KDM5A: variants seen among roughly 807,000 people sequenced by gnomAD.
The protein encoded by KDM5A is lysine demethylase 5A, also known as lysine-specific demethylase 5A.
In KDM5A, 42 loss-of-function variants were observed where a neutral mutation model predicts 193.5. The ratio of observed to expected loss-of-function variants is 0.22; its 90% CI spans 0.17 to 0.28. The LOEUF is 0.28. KDM5A is among the 10% of genes least tolerant of loss of function. The pLI is 1.00. For missense variants in KDM5A, 1,692 were observed against 2,055.1 expected (o/e 0.82, Z 3.42); for synonymous variants, 796 against 718.1 (o/e 1.11, Z -1.73).
At chr12:344,150 G>A (rs552634306) in intron 10 of KDM5A, among the ~76,000 whole-genome samples, 3 of 152,132 alleles carry the variant, frequency 2.0e-5, no homozygotes, top group Non-Finnish European at 2.9e-5. Context: ...TTGATCAAGT[G>A]GAAGAAAGGG....
At chr12:363,460 C>T (rs1342275713) in intron 4 of KDM5A, among the ~76,000 whole-genome samples, 1 of 151,946 alleles carries the variant, frequency 6.6e-6, no homozygotes, top group African/African-American at 2.4e-5. Flanking sequence ...AGAAATAAAC[C>T]CACACATTTA....
rs1387642581 is a variant in KDM5A, at chr12:354,254, TGA to T, written c.871-22_871-21del. 6.5e-7 allele frequency: 1 copy of T among 1,536,412 alleles called. No individual in the cohort carries two copies. The highest frequency in any genetic ancestry group is 2.3e-5 in the East Asian group (1 of 42,684). ...ATCAACCTGTTAAAAAAAAAATAAATGAAAGTCTATTTTCTATAATAAATAAT... is the reference window on the plus strand; with the variant it reads ...ATCAACCTGTTAAAAAAAAAATAAATAAGTCTATTTTCTATAATAAATAAT... On this transcript the variant is annotated intron_variant, in intron 7 of 27. Coordinates refer to ENST00000399788, the MANE Select transcript of KDM5A (RefSeq NM_001042603.3).
chr12:384,183 GT>G, intron 2 of KDM5A, 30 bp from the exon 3 acceptor site: 1 of 1,520,486 alleles, frequency 6.6e-7, no homozygotes, highest in East Asian at 2.3e-5. Context: ...GAAGAACTAA[GT>G]TATGATTGAA....
chr12:323,208 T>TAAAAAAAAA lies in KDM5A; in HGVS notation c.2151-3_2151-2insTTTTTTTTT. 9.5e-6 allele frequency: 1 copy of TAAAAAAAAA among 105,068 alleles called. No individual in the cohort carries two copies. The highest frequency in any genetic ancestry group is 6.1e-5 in the South Asian group (1 of 16,528). The allele number at this position is 105,068 out of a possible 1,614,324, so 6.5% of individuals were successfully genotyped here. A position where few individuals can be genotyped will look rare whatever the true frequency, so the allele number is the denominator to read the frequency against. On this transcript the variant is annotated splice_region_variant and splice_polypyrimidine_tract_variant and intron_variant, in intron 15 of 27. Coordinates refer to ENST00000399788, the MANE Select transcript of KDM5A (RefSeq NM_001042603.3). ...AGGTCTTCTAATGGGTAGCGATATC[T>TAAAAAAAAA]ACAAAAAAAAAAAAAAAAAAAAAAA...
chr12:282,616 T>C lies in KDM5A; in HGVS notation c.*2840A>G. The C allele has an allele frequency of 4.3e-6, 1 of 233,182 alleles. No homozygotes were observed. Among genetic ancestry groups the C allele is most frequent in the Non-Finnish European group, 8.5e-6 (1 of 117,968 alleles). 14.4% of individuals were successfully genotyped at this position (233,182 alleles called of 1,614,324 possible). ...TGGGGATCTGCATAGTTCTAATGAC[T>C]TAGCTTTTAAGAATACCACAGGCCT... On this transcript the variant is annotated 3_prime_UTR_variant, in exon 28 of 28. Transcript: ENST00000399788.
rs558120470 is a variant in KDM5A at position 350,495 on chromosome 12, G to A, written c.1308+126C>T. The A allele has an allele frequency of 6.1e-4, 514 of 844,876 alleles. 3 individuals are homozygous for A. Among genetic ancestry groups the A allele is most frequent in the Middle Eastern group, 3.9e-3 (17 of 4,394 alleles). 52.3% of individuals were successfully genotyped at this position (844,876 alleles called of 1,614,324 possible). A position where few individuals can be genotyped will look rare whatever the true frequency, so the allele number is the denominator to read the frequency against. ...TTCTGAATTCTTCGTTTTCAAAACT[G>A]AAGATTATTTATACTGCCAAATCCT... On this transcript the variant is annotated intron_variant, in intron 10 of 27. Transcript: ENST00000399788.
intron 24 of KDM5A, among the ~76,000 whole-genome samples, chr12:305,969 G>GTTTTTTTTTTTTTTTTTTTTTTTTTTT (rs3038312): frequency 9.6e-6 from 1 of 104,216 alleles, no homozygotes; most frequent in African/African-American, 3.9e-5. Flanking sequence ...CAATGGAAGT[G>GTTTTTTTTTTTTTTTTTTTTTTTTTTT]TTTTTTTTTT....
intron 3 of KDM5A, among the ~76,000 whole-genome samples, chr12:370,931 G>C (rs937221702): frequency 3.9e-5 from 6 of 152,276 alleles, no homozygotes; most frequent in Middle Eastern, 3.4e-3. Context: ...CATGTCCCTG[G>C]AAAGGGCATG....
rs531056002 is a variant in KDM5A, at chr12:282,618, A to G, written c.*2838T>C. ...GGGATCTGCATAGTTCTAATGACTT[A>G]GCTTTTAAGAATACCACAGGCCTAC... On this transcript the variant is annotated 3_prime_UTR_variant, in exon 28 of 28. Transcript: ENST00000399788. 64 of 233,168 alleles carry G rather than the reference A, an allele frequency of 2.7e-4. No homozygotes were observed. In the South Asian group the frequency reaches 9.4e-3, roughly 34 times the overall value. The allele number at this position is 233,168 out of a possible 1,614,324, so 14.4% of individuals were successfully genotyped here. A position where few individuals can be genotyped will look rare whatever the true frequency, so the allele number is the denominator to read the frequency against.
At position 285,435 on chromosome 12, in the gene KDM5A, C is replaced by A; in HGVS notation, c.*21G>T. 6.2e-7 allele frequency: 1 copy of A among 1,607,676 alleles called. No homozygotes were observed. Among genetic ancestry groups the A allele is most frequent in the Non-Finnish European group, 8.5e-7 (1 of 1,174,282 alleles). On this transcript the variant is annotated 3_prime_UTR_variant, in exon 28 of 28. Coordinates refer to ENST00000399788, the MANE Select transcript of KDM5A (RefSeq NM_001042603.3). ...CAATGTGGTCCATGTCCCCCCATGT[C>A]CCAAACTAACCAAGCATCTGCTAAC...
In KDM5A at chr12:332,393, T is replaced by C. The variant is rs528665762; in HGVS notation, c.1654-455A>G. ...AAAATCAGTTTTCCTGAAATCTCAC[T>C]TTGTTTTACAATAATACTGTATGTC... On this transcript the variant is annotated intron_variant, in intron 12 of 27. Transcript: ENST00000399788. Among the ~76,000 whole-genome samples the C allele has an allele frequency of 5.9e-5, 9 of 152,336 alleles. No individual in the cohort carries two copies. In the East Asian group the frequency reaches 1.5e-3, roughly 26 times the overall value.
chr12:339,545 T>C (rs1943975359), intron 10 of KDM5A, among the ~76,000 whole-genome samples: 1 of 152,196 alleles, frequency 6.6e-6, no homozygotes, highest in Non-Finnish European at 1.5e-5. Context: ...TTGATGTCTT[T>C]AATGCCTGGG....
At chr12:346,770 A>G (rs1944082285) in intron 10 of KDM5A, among the ~76,000 whole-genome samples, 1 of 152,200 alleles carries the variant, frequency 6.6e-6, no homozygotes, top group African/African-American at 2.4e-5. Flanking sequence ...GTATCTCAAA[A>G]TAATAAGAGC....
At chr12:332,521 TTATC>T (rs1408620911) in intron 12 of KDM5A, among the ~76,000 whole-genome samples, 6 of 152,234 alleles carry the variant, frequency 3.9e-5, no homozygotes, top group Non-Finnish European at 7.3e-5. Flanking sequence ...GAATATTTGA[TTATC>T]TATAGTAAAC....
intron 3 of KDM5A, among the ~76,000 whole-genome samples, chr12:374,994 T>C (rs965862937): frequency 1.3e-5 from 2 of 152,250 alleles, no homozygotes; most frequent in African/African-American, 4.8e-5. Flanking sequence ...TCTTTCTCTC[T>C]GGCTGCCCTT....
chr12:322,562 T>C lies in KDM5A; in HGVS notation c.2281A>G (p.Ile761Val). The C allele has an allele frequency of 6.2e-7, 1 of 1,611,980 alleles. No homozygotes were observed. Among genetic ancestry groups the C allele is most frequent in the Non-Finnish European group, 8.5e-7 (1 of 1,179,096 alleles). Residue 761 changes from isoleucine (I) to valine (V), a missense_variant, in exon 17 of 28, where the codon ATT (isoleucine) becomes GTT (valine). Transcript: ENST00000399788. ...TCTTCCAGCATTACTCGCAATTCAA[T>C]CAAATCTGTAAAAATTTAAATAAAG... Reference protein sequence around the residue: ...SANFNHKKDLIELRVMLEDAE... With the variant: ...SANFNHKKDLVELRVMLEDAE...
intron 10 of KDM5A, among the ~76,000 whole-genome samples, chr12:336,040 T>A (rs1212249457): frequency 8.3e-5 from 7 of 84,662 alleles, no homozygotes; most frequent in African/African-American, 3.6e-4. Context: ...CGATACTTCA[T>A]CTCAAAAAAA....
At chr12:304,499 C>A (rs1484257871) in intron 24 of KDM5A, among the ~76,000 whole-genome samples, 1 of 138,150 alleles carries the variant, frequency 7.2e-6, no homozygotes, top group Non-Finnish European at 1.5e-5. Context: ...AGTAAATTGG[C>A]AGGGGTATAT....
At position 350,905 on chromosome 12, in the gene KDM5A, C is replaced by T. The variant is rs953005207; in HGVS notation, c.1150-126G>A. ...TTAAAAATCTTCTGATTCCCTAGAG[C>T]AGTAAAGACCGAGATCCTAGCTTTT... is the stretch of plus-strand genomic sequence containing the variant. On this transcript the variant is annotated intron_variant, in intron 9 of 27. Transcript: ENST00000399788. The T allele has an allele frequency of 9.7e-6, 8 of 828,320 alleles. No homozygotes were observed. The African/African-American group carries it at 1.4e-4, about 14-fold the overall frequency. 51.3% of individuals were successfully genotyped at this position (828,320 alleles called of 1,614,324 possible).
Sources: gnomAD v4.1 joint callset for allele counts (sites outside exome capture counted in the v4.1 genomes callset) on GRCh38, gnomAD v4.1.1 for gene constraint, MANE v1.5 for transcripts, NCBI Gene and HGNC (gene_info 2026-07-23, HGNC 2026-07-21) for gene names.